PCDH7: variants seen among roughly 807,000 people sequenced by gnomAD.
PCDH7 encodes protocadherin-7.
In PCDH7, 17 loss-of-function variants were observed where a neutral mutation model predicts 58.9. The observed-to-expected ratio is 0.29, with a 90% CI of 0.20 to 0.43. The LOEUF (loss-of-function observed/expected upper bound fraction) is 0.43, where lower values mean the gene tolerates loss of function less well. PCDH7 is among the 20% of genes least tolerant of loss of function. The pLI, the probability that PCDH7 is intolerant of heterozygous loss-of-function variation, is 1.00. For synonymous variants in PCDH7, 664 were observed against 616.4 expected, an observed-to-expected ratio of 1.08 and a Z score of -1.14; for missense variants, 1,274 against 1,441.0, an observed-to-expected ratio of 0.88 and a Z score of 1.88.
chr4:30,764,371 A>C (rs910696740), intron 1 of PCDH7, among the ~76,000 whole-genome samples: 1 of 152,146 alleles, frequency 6.6e-6, no homozygotes, highest in Non-Finnish European at 1.5e-5. Flanking sequence ...ATATAGTTTT[A>C]ATTTCCATTA....
intron 1 of PCDH7, among the ~76,000 whole-genome samples, chr4:30,740,987 T>A (rs1716997158): frequency 1.3e-5 from 2 of 152,142 alleles, no homozygotes; most frequent in South Asian, 4.1e-4. Flanking sequence ...GGTGCAGTGA[T>A]TTTTTTGCTG....
At chr4:30,725,059 A>G in intron 1 of PCDH7, 1 of 1,003,424 alleles carries the variant, frequency 1.0e-6, no homozygotes, top group Admixed American at 6.0e-5. Context: ...TATGTTATTT[A>G]CAATGCAGGA....
chr4:30,734,259 G>A (rs1340705352), downstream of PCDH7, among the ~76,000 whole-genome samples: 6 of 147,290 alleles, frequency 4.1e-5, no homozygotes, highest in East Asian at 7.9e-4. Context: ...TTGAGACATA[G>A]TCTGGCTCCA....
At chr4:31,037,553 A>G (rs1392983082) in intron 3 of PCDH7, among the ~76,000 whole-genome samples, 1 of 152,138 alleles carries the variant, frequency 6.6e-6, no homozygotes, top group East Asian at 1.9e-4. Flanking sequence ...GCCATGTGTT[A>G]TTTCTTCCTG....
intron 3 of PCDH7, among the ~76,000 whole-genome samples, chr4:30,986,917 G>A (rs1449398563): frequency 1.3e-5 from 2 of 151,840 alleles, no homozygotes; most frequent in African/African-American, 4.8e-5. Flanking sequence ...GGAGGCGGAG[G>A]TTGCAGTGAG....
chr4:30,738,414 A>T (rs1466831189), intron 1 of PCDH7, among the ~76,000 whole-genome samples: 1 of 152,074 alleles, frequency 6.6e-6, no homozygotes, highest in African/African-American at 2.4e-5. Flanking sequence ...AAAAAGGTAC[A>T]ATTACTATCG....
intron 1 of PCDH7, among the ~76,000 whole-genome samples, chr4:30,755,903 A>C (rs1248536044): frequency 6.6e-6 from 1 of 152,036 alleles, no homozygotes; most frequent in South Asian, 2.1e-4. Context: ...AGATGGTGAA[A>C]CCCCGTTTCT....
At chr4:30,913,483 G>A (rs1409080136) in intron 1 of PCDH7, among the ~76,000 whole-genome samples, 2 of 152,008 alleles carry the variant, frequency 1.3e-5, no homozygotes, top group African/African-American at 4.8e-5. Context: ...TCTGTGTGGA[G>A]AGCGGGATAG....
chr4:30,921,938 A>G (rs554707834), intron 2 of PCDH7, among the ~76,000 whole-genome samples: 22 of 151,982 alleles, frequency 1.4e-4, no homozygotes, highest in South Asian at 4.1e-4. Context: ...TGGCATTATA[A>G]TCATTTTTCA....
At chr4:30,812,210 T>A (rs964740501) in intron 1 of PCDH7, among the ~76,000 whole-genome samples, 8 of 152,192 alleles carry the variant, frequency 5.3e-5, no homozygotes, top group African/African-American at 1.9e-4. Flanking sequence ...GATGTTCTAG[T>A]CTGTGTAATG....
intron 2 of PCDH7, among the ~76,000 whole-genome samples, chr4:30,933,888 TA>T (rs1455596070): frequency 6.6e-6 from 1 of 152,230 alleles, no homozygotes; most frequent in Non-Finnish European, 1.5e-5. Flanking sequence ...AATGGAGTTT[TA>T]GGGCCCAGTC....
At chr4:31,128,177 A>G (rs1199258011) in intron 3 of PCDH7, among the ~76,000 whole-genome samples, 1 of 151,990 alleles carries the variant, frequency 6.6e-6, no homozygotes, top group Non-Finnish European at 1.5e-5. Flanking sequence ...ACACACATAT[A>G]AAAGTCTGAA....
At chr4:30,900,931 T>C (rs964150883) in intron 1 of PCDH7, among the ~76,000 whole-genome samples, 7 of 152,232 alleles carry the variant, frequency 4.6e-5, no homozygotes, top group Non-Finnish European at 8.8e-5. Flanking sequence ...ATGTCTTTCA[T>C]GTCTTATGAC....
At chr4:30,857,687 T>G (rs1171679146) in intron 1 of PCDH7, among the ~76,000 whole-genome samples, 1 of 152,094 alleles carries the variant, frequency 6.6e-6, no homozygotes. Context: ...TCCTGACAGT[T>G]CATTAAGTGT....
At chr4:31,143,238 A>G (rs1405648557), downstream of PCDH7, 1 of 158,266 alleles carries the variant, frequency 6.3e-6, no homozygotes, top group East Asian at 1.9e-4. Context: ...CTGAAGCATG[A>G]TTTTAGTCAC....
At chr4:30,994,466 CAG>C (rs374915511) in intron 3 of PCDH7, among the ~76,000 whole-genome samples, 2 of 152,244 alleles carry the variant, frequency 1.3e-5, no homozygotes, top group African/African-American at 4.8e-5. Flanking sequence ...CCACAAAAAT[CAG>C]AGTCCAAATA....
chr4:30,780,569 A>G (rs1577772115), intron 1 of PCDH7, among the ~76,000 whole-genome samples: 1 of 152,272 alleles, frequency 6.6e-6, no homozygotes, highest in East Asian at 1.9e-4. Context: ...ACAATAAAAT[A>G]AAAGTATGGA....
At chr4:31,091,115 A>G (rs1485746065) in intron 3 of PCDH7, among the ~76,000 whole-genome samples, 1 of 151,914 alleles carries the variant, frequency 6.6e-6, no homozygotes, top group Non-Finnish European at 1.5e-5. Flanking sequence ...ACATGTCTTT[A>G]TTATATCCTG....
rs760973845 is a variant in PCDH7, at chr4:30,948,533, C to T, written c.288-1587C>T. Among the ~76,000 whole-genome samples, 65 of 152,046 alleles carry T rather than the reference C, an allele frequency of 4.3e-4. 1 individual carries two copies. Among genetic ancestry groups the T allele is most frequent in the Admixed American group, 1.3e-4 (2 of 15,256 alleles). Reference sequence around the variant, plus strand: ...TTTTAACTTTGAAGGGGAATTCAAACTTTAAAATATTACATGCAATATCAA... The same window carrying T: ...TTTTAACTTTGAAGGGGAATTCAAATTTTAAAATATTACATGCAATATCAA... On this transcript the variant is annotated intron_variant, in intron 2 of 3. Transcript: ENST00000509759.
Sources: gnomAD v4.1 joint callset for allele counts (sites outside exome capture counted in the v4.1 genomes callset) on GRCh38, gnomAD v4.1.1 for gene constraint, MANE v1.5 for transcripts, NCBI Gene and HGNC (gene_info 2026-07-23, HGNC 2026-07-21) for gene names.